KIFAP3: variants seen among roughly 807,000 people sequenced by gnomAD.
The protein encoded by KIFAP3 is kinesin-associated protein 3.
Under a neutral mutation model 106.5 loss-of-function variants are expected in KIFAP3, and 68 were observed. The ratio of observed to expected loss-of-function variants is 0.64; its 90% CI spans 0.53 to 0.78. The LOEUF (loss-of-function observed/expected upper bound fraction) is 0.78, where lower values mean the gene tolerates loss of function less well. Among genes scored for constraint, KIFAP3 ranks in the 30% least tolerant of loss-of-function variants. KIFAP3 has a pLI of 0.00. For missense variants in KIFAP3, 780 were observed against 941.8 expected (o/e 0.83, Z 2.25); for synonymous variants, 320 against 311.5 (o/e 1.03, Z -0.29).
At chr1:170,020,285 A>G (rs1668742973) in intron 9 of KIFAP3, among the ~76,000 whole-genome samples, 2 of 152,200 alleles carry the variant, frequency 1.3e-5, no homozygotes, top group Non-Finnish European at 1.5e-5. Flanking sequence ...ACAGAATAGA[A>G]TAACTCTGAA....
In KIFAP3 at chr1:169,961,988, A is replaced by C. The variant is rs150724047; in HGVS notation, c.1984-753T>G. ...TGGTCCCCTAATACCTGTGTTGTTC[A>C]AGAGTCAACTGCATTTGTGGCACTA... On this transcript the variant is annotated intron_variant, in intron 17 of 19. Transcript: ENST00000361580. Among the ~76,000 whole-genome samples, 53 of 152,248 alleles carry C rather than the reference A, an allele frequency of 3.5e-4. 1 individual carries two copies. The highest frequency in any genetic ancestry group is 8.9e-4 in the African/African-American group (37 of 41,552).
intron 1 of KIFAP3, among the ~76,000 whole-genome samples, chr1:170,073,645 A>G (rs1671799005): frequency 2.0e-5 from 3 of 152,150 alleles, no homozygotes; most frequent in Admixed American, 6.5e-5. Flanking sequence ...TTACTGAATC[A>G]GTACTGAATT....
intron 8 of KIFAP3, among the ~76,000 whole-genome samples, chr1:170,027,616 T>G (rs1165014969): frequency 6.6e-6 from 1 of 152,068 alleles, no homozygotes; most frequent in African/African-American, 2.4e-5. Context: ...TTAGTGAAAC[T>G]GAAGACATAA....
At chr1:169,963,047 A>T (rs144446325) in intron 17 of KIFAP3, among the ~76,000 whole-genome samples, 4,606 of 152,178 alleles carry the variant, frequency 0.03, 96 homozygotes, top group Non-Finnish European at 0.046. Flanking sequence ...ACAGATTGTC[A>T]CCCAGGTAAT....
At chr1:170,075,390 C>T (rs1328185322), upstream of KIFAP3, among the ~76,000 whole-genome samples, 2 of 152,156 alleles carry the variant, frequency 1.3e-5, no homozygotes, top group African/African-American at 4.8e-5. Context: ...GGCTGTGTGC[C>T]AAACACCAAA....
intron 12 of KIFAP3, among the ~76,000 whole-genome samples, chr1:169,984,083 C>T (rs1344704869): frequency 6.6e-6 from 1 of 151,604 alleles, no homozygotes; most frequent in Non-Finnish European, 1.5e-5. Flanking sequence ...AAAATCTTAC[C>T]TATGATTATC....
At chr1:169,973,105 G>GTATATATATATATA (rs1553278126) in intron 16 of KIFAP3, among the ~76,000 whole-genome samples, 30 of 90,200 alleles carry the variant, frequency 3.3e-4, no homozygotes, top group East Asian at 1.7e-3. Context: ...AAAATAGTGT[G>GTATATATATATATA]TATATATATA....
chr1:169,993,153 G>A (rs1667184260), intron 10 of KIFAP3, among the ~76,000 whole-genome samples: 1 of 149,438 alleles, frequency 6.7e-6, no homozygotes, highest in East Asian at 2.0e-4. Flanking sequence ...TGTCGCCCAG[G>A]CCAGAGTGCA....
At chr1:169,930,455 TG>T (rs1031962321) in intron 19 of KIFAP3, among the ~76,000 whole-genome samples, 4 of 152,222 alleles carry the variant, frequency 2.6e-5, no homozygotes, top group Admixed American at 1.3e-4. Flanking sequence ...ACAATCTAAA[TG>T]GCAATTTCTT....
intron 19 of KIFAP3, among the ~76,000 whole-genome samples, chr1:169,948,761 G>A (rs1162829415): frequency 2.0e-5 from 3 of 151,846 alleles, no homozygotes; most frequent in Non-Finnish European, 4.4e-5. Flanking sequence ...AGAATTTTTT[G>A]CTTGGCCAAA....
upstream of KIFAP3, among the ~76,000 whole-genome samples, chr1:170,076,180 T>A (rs1369895000): frequency 5.3e-5 from 8 of 152,124 alleles, no homozygotes; most frequent in East Asian, 1.5e-3. Flanking sequence ...AATTTTGGTG[T>A]TGAAAAAATG....
intron 19 of KIFAP3, among the ~76,000 whole-genome samples, chr1:169,946,531 G>C (rs1664448826): frequency 6.6e-6 from 1 of 152,066 alleles, no homozygotes; most frequent in African/African-American, 2.4e-5. Flanking sequence ...GTAATAGTAG[G>C]AGTGTTGGCT....
chr1:169,982,077 C>G lies in KIFAP3; in HGVS notation c.1693G>C (p.Val565Leu). The G allele has an allele frequency of 6.2e-7, 1 of 1,613,464 alleles. No individual in the cohort carries two copies. Among genetic ancestry groups the G allele is most frequent in the Non-Finnish European group, 8.5e-7 (1 of 1,179,606 alleles). The change falls in exon 15 of 20, where the codon GTT (valine) becomes CTT (leucine). Residue 565 changes from valine (V) to leucine (L), a missense_variant. By Grantham distance (32) the Val-to-Leu change is conservative. Around this residue, in one of 3 missense-constraint regions of KIFAP3, gnomAD observed 588 missense variants for 678.9 expected, o/e 0.87. Coordinates refer to ENST00000361580, the MANE Select transcript of KIFAP3 (RefSeq NM_014970.4). ...LKPGAAEDDL[V>L]LEVVIMIGTV... ...CCAATCATTATAACCACTTCTAAAA[C>G]AAGATCATCTTCTGCAGCACCTAGT...
chr1:169,976,038 C>T (rs1250235030), intron 16 of KIFAP3, among the ~76,000 whole-genome samples: 1 of 152,122 alleles, frequency 6.6e-6, no homozygotes, highest in African/African-American at 2.4e-5. Flanking sequence ...TAGGAATTCT[C>T]TTAATTCTGT....
chr1:169,955,166 G>C (rs1664941063), intron 18 of KIFAP3, among the ~76,000 whole-genome samples: 1 of 152,028 alleles, frequency 6.6e-6, no homozygotes, highest in Non-Finnish European at 1.5e-5. Flanking sequence ...ACATTAGCTA[G>C]GTCATACCTA....
intron 19 of KIFAP3, chr1:169,922,953 G>T (rs2101758525): frequency 3.8e-6 from 1 of 264,276 alleles, no homozygotes; most frequent in Non-Finnish European, 5.9e-6. Flanking sequence ...AAAATGTTAA[G>T]GTTTTAAATA....
At chr1:170,013,239 C>T (rs909012086) in intron 10 of KIFAP3, among the ~76,000 whole-genome samples, 11 of 151,960 alleles carry the variant, frequency 7.2e-5, no homozygotes, top group Admixed American at 7.2e-4. Context: ...CTTATAGAAA[C>T]CTGAACGACC....
intron 9 of KIFAP3, among the ~76,000 whole-genome samples, chr1:170,022,687 C>A (rs766642755): frequency 3.9e-5 from 6 of 152,112 alleles, no homozygotes; most frequent in Non-Finnish European, 5.9e-5. Context: ...AAGGTAAAAT[C>A]CATATCATCT....
intron 5 of KIFAP3, among the ~76,000 whole-genome samples, chr1:170,037,685 T>C (rs1449848190): frequency 6.6e-6 from 1 of 151,954 alleles, no homozygotes; most frequent in Non-Finnish European, 1.5e-5. Context: ...TGCAGTGAGC[T>C]GAAGGTTGCA....
Sources: gnomAD v4.1 joint callset for allele counts (sites outside exome capture counted in the v4.1 genomes callset) on GRCh38, gnomAD v4.1.1 for gene constraint, gnomAD v4.1.1 regional missense constraint, MANE v1.5 for transcripts, NCBI Gene and HGNC (gene_info 2026-07-23, HGNC 2026-07-21) for gene names.